Variants in KCNC2 observed in about 807,000 individuals in gnomAD.
The protein encoded by KCNC2 is potassium voltage-gated channel subfamily C member 2.
KCNC2 carries 21 observed loss-of-function variants against 44.5 expected under a neutral mutation model. The observed-to-expected ratio is 0.47, with a 90% CI of 0.33 to 0.68. The LOEUF (loss-of-function observed/expected upper bound fraction) is 0.68. Ranked by LOEUF, KCNC2 falls within the 30% of genes least tolerant of loss-of-function variation. The pLI is 0.01. For synonymous variants in KCNC2, 391 were observed against 339.1 expected (o/e 1.15, Z -1.68); for missense variants, 589 against 826.2 (o/e 0.71, Z 3.52).
intron 2 of KCNC2, among the ~76,000 whole-genome samples, chr12:75,169,961 G>A (rs963065843): frequency 2.0e-5 from 3 of 151,538 alleles, no homozygotes; most frequent in African/African-American, 4.8e-5. Context: ...AAAGAAAGGC[G>A]ACATAACATT....
intron 2 of KCNC2, among the ~76,000 whole-genome samples, chr12:75,163,082 A>G (rs1891222431): frequency 6.6e-6 from 1 of 151,716 alleles, no homozygotes. Context: ...GGAAGATGGC[A>G]TGCTCTATTT....
chr12:75,076,716 A>G (rs1246608122), intron 2 of KCNC2, among the ~76,000 whole-genome samples: 1 of 152,190 alleles, frequency 6.6e-6, no homozygotes, highest in African/African-American at 2.4e-5. Context: ...ATTTATTTCA[A>G]TAGCCCCAAT....
intron 2 of KCNC2, among the ~76,000 whole-genome samples, chr12:75,080,380 T>C (rs1884383292): frequency 6.6e-6 from 1 of 151,608 alleles, no homozygotes; most frequent in Admixed American, 6.6e-5. Context: ...CCTCCAGAAG[T>C]GATAACTTAG....
intron 2 of KCNC2, among the ~76,000 whole-genome samples, chr12:75,053,403 G>T (rs1157049468): frequency 6.6e-6 from 1 of 151,066 alleles, no homozygotes; most frequent in Admixed American, 6.6e-5. Flanking sequence ...GTGTGTGTTT[G>T]TGTGTATTTT....
intron 2 of KCNC2, among the ~76,000 whole-genome samples, chr12:75,172,911 G>A (rs1040995778): frequency 6.6e-6 from 1 of 151,636 alleles, no homozygotes; most frequent in Non-Finnish European, 1.5e-5. Context: ...ACTTTAACAA[G>A]GTATAATTAT....
intron 2 of KCNC2, among the ~76,000 whole-genome samples, chr12:75,160,676 G>A (rs567657170): frequency 2.2e-4 from 34 of 151,884 alleles, no homozygotes; most frequent in Middle Eastern, 3.4e-3. Context: ...ATGCTTTTCT[G>A]GTAACAATGT....
chr12:75,184,255 C>T (rs748025960), intron 2 of KCNC2, among the ~76,000 whole-genome samples: 2 of 152,116 alleles, frequency 1.3e-5, no homozygotes, highest in Non-Finnish European at 1.5e-5. Flanking sequence ...TTTGTAGAAA[C>T]TCAAAGAACA....
chr12:75,080,971 G>A (rs781282837), intron 2 of KCNC2, among the ~76,000 whole-genome samples: 3 of 152,002 alleles, frequency 2.0e-5, no homozygotes, highest in Non-Finnish European at 2.9e-5. Context: ...ACTAATTATG[G>A]CTTCTTAATC....
chr12:75,207,216 C>A lies in KCNC2; in HGVS notation c.687+81G>T. On this transcript the variant is annotated intron_variant, in intron 2 of 4. Transcript: ENST00000549446. The surrounding 1 kb of genome is among the most constrained non-coding windows in gnomAD (Gnocchi z 4.1). ...TCTTCTACCCCCCATGCCTGAGGCC[C>A]TGGGGTGGAAAAGAACAGAAAGTTG... 1 of 1,489,546 alleles carries A rather than the reference C, an allele frequency of 6.7e-7. No homozygotes were observed. Among genetic ancestry groups the A allele is most frequent in the Non-Finnish European group, 8.9e-7 (1 of 1,121,074 alleles). The allele number at this position is 1,489,546 out of a possible 1,614,324, so 92.3% of individuals were successfully genotyped here. A position where few individuals can be genotyped will look rare whatever the true frequency, so the allele number is the denominator to read the frequency against.
At chr12:75,202,857 T>G (rs1042376109) in intron 2 of KCNC2, among the ~76,000 whole-genome samples, 2 of 150,098 alleles carry the variant, frequency 1.3e-5, no homozygotes, top group Admixed American at 6.6e-5. Context: ...CATAATCTTG[T>G]TTTTTTTTAA....
intron 2 of KCNC2, among the ~76,000 whole-genome samples, chr12:75,191,176 CT>C (rs2030172061): frequency 6.6e-6 from 1 of 151,714 alleles, no homozygotes; most frequent in Non-Finnish European, 1.5e-5. Context: ...TATAAAATTA[CT>C]TTTTGAGATC....
chr12:75,102,793 G>A (rs1034723795), intron 2 of KCNC2, among the ~76,000 whole-genome samples: 3 of 151,852 alleles, frequency 2.0e-5, no homozygotes, highest in Non-Finnish European at 2.9e-5. Flanking sequence ...GAGTGCCACT[G>A]CCCATAGAAT....
chr12:75,051,469 A>C (rs1592761000), intron 2 of KCNC2, 152 bp from the exon 3 acceptor site: 1 of 565,334 alleles, frequency 1.8e-6, no homozygotes, highest in African/African-American at 1.9e-5. Flanking sequence ...AAGAAGATAC[A>C]TGTATGTAAC....
intron 2 of KCNC2, among the ~76,000 whole-genome samples, chr12:75,134,941 C>A (rs1340947909): frequency 6.6e-6 from 1 of 151,728 alleles, no homozygotes; most frequent in Non-Finnish European, 1.5e-5. Context: ...ATTAAACAGG[C>A]TTTATATAAT....
chr12:75,072,387 T>A (rs1274571073), intron 2 of KCNC2, among the ~76,000 whole-genome samples: 3 of 151,968 alleles, frequency 2.0e-5, no homozygotes, highest in Non-Finnish European at 2.9e-5. Context: ...TAAGGAAATT[T>A]AAAAAAAATA....
intron 2 of KCNC2, among the ~76,000 whole-genome samples, chr12:75,057,468 T>C (rs1008758580): frequency 6.6e-6 from 1 of 151,864 alleles, no homozygotes; most frequent in Non-Finnish European, 1.5e-5. Flanking sequence ...ATAAAATCAA[T>C]TTTTTTTATC....
chr12:75,153,436 G>C (rs1890543452), intron 2 of KCNC2, among the ~76,000 whole-genome samples: 1 of 151,842 alleles, frequency 6.6e-6, no homozygotes, highest in Non-Finnish European at 1.5e-5. Context: ...TGGATAGAGA[G>C]AGTGGAATAG....
rs1879972404 is a variant in KCNC2 at position 75,042,111 on chromosome 12, A to C, written c.*994T>G. The C allele has an allele frequency of 8.0e-7, 1 of 1,245,840 alleles. No homozygotes were observed. The highest frequency in any genetic ancestry group is 1.0e-6 in the Non-Finnish European group (1 of 994,640). The allele number at this position is 1,245,840 out of a possible 1,614,324, so 77.2% of individuals were successfully genotyped here. The stretch of plus-strand genomic sequence containing the variant: ...CATTTGATGTTTGCACAAAAAATTA[A>C]TAAATAAAAATAAAATAAGGGGGTA... On this transcript the variant is annotated 3_prime_UTR_variant, in exon 5 of 5. Coordinates refer to ENST00000549446, the MANE Select transcript of KCNC2 (RefSeq NM_139137.4).
chr12:75,148,782 A>G (rs903659635), intron 2 of KCNC2, among the ~76,000 whole-genome samples: 11 of 151,946 alleles, frequency 7.2e-5, no homozygotes, highest in Admixed American at 3.9e-4. Flanking sequence ...CACATTACCT[A>G]ATATCTTTCT....
Sources: allele counts gnomAD v4.1 joint callset (sites outside exome capture counted in the v4.1 genomes callset), GRCh38; gene constraint gnomAD v4.1.1; non-coding constraint Gnocchi (gnomAD v3.1); transcripts MANE v1.5; gene names NCBI Gene and HGNC (gene_info 2026-07-23, HGNC 2026-07-21).